Variants in CTDSPL observed in about 807,000 individuals in gnomAD.
CTDSPL encodes the protein CTD small phosphatase like.
In CTDSPL, 8 loss-of-function variants were observed where a neutral mutation model predicts 30.5. That is an observed-to-expected ratio of 0.26 (90% CI 0.15 to 0.47). The LOEUF is 0.47. CTDSPL is among the 20% of genes least tolerant of loss of function. CTDSPL has a pLI of 0.99. For synonymous variants in CTDSPL, 110 were observed against 137.9 expected, an observed-to-expected ratio of 0.80 and a Z score of 1.42; for missense variants, 248 against 366.1, an observed-to-expected ratio of 0.68 and a Z score of 2.63.
Position 37,983,629 on chromosome 3 carries a change from C to T in CTDSPL, c.*2762C>T, listed in dbSNP as rs1220013530. 6.6e-6 allele frequency: 1 copy of T among 152,500 alleles called. No individual in the cohort carries two copies. The highest frequency in any genetic ancestry group is 1.5e-5 in the Non-Finnish European group (1 of 68,212). The allele number at this position is 152,500 out of a possible 1,614,324, so 9.4% of individuals were successfully genotyped here. On this transcript the variant is annotated 3_prime_UTR_variant, in exon 8 of 8. Coordinates refer to ENST00000273179, the MANE Select transcript of CTDSPL (RefSeq NM_001008392.2). Reference sequence around the variant, plus strand: ...GGAGAAGTATTTTTGACATTGAGCTCTGGGACAGGACACCTTGGGTTTGTG... The same window carrying T: ...GGAGAAGTATTTTTGACATTGAGCTTTGGGACAGGACACCTTGGGTTTGTG...
chr3:37,911,025 G>A (rs1355233229), intron 1 of CTDSPL, among the ~76,000 whole-genome samples: 1 of 152,248 alleles, frequency 6.6e-6, no homozygotes, highest in Non-Finnish European at 1.5e-5. Flanking sequence ...ATGTTGTCCT[G>A]TATTTCAGGG....
intron 3 of CTDSPL, 79 bp from the exon 4 acceptor site, chr3:37,964,492 T>C (rs1291971597): frequency 1.1e-6 from 1 of 895,782 alleles, no homozygotes; most frequent in Non-Finnish European, 1.8e-6. Context: ...GGCATTTAAA[T>C]GTTTGAAAGT....
chr3:37,875,528 C>T (rs1279890580), intron 1 of CTDSPL, among the ~76,000 whole-genome samples: 2 of 152,196 alleles, frequency 1.3e-5, no homozygotes, highest in African/African-American at 4.8e-5. Flanking sequence ...ACTGCCTTGT[C>T]AACATGGCTT....
In CTDSPL at chr3:37,964,598, G is replaced by A; in HGVS notation, c.295G>A (p.Val99Met). Reference sequence around the variant, plus strand: ...ACCAGCTAAGTACCTTCTTCCAGAGGTGACGGTGCTTGACTATGGAAAGAA... The same window carrying A: ...ACCAGCTAAGTACCTTCTTCCAGAGATGACGGTGCTTGACTATGGAAAGAA... ...SPPAKYLLPE[V>M]TVLDYGKKCV... Residue 99 changes from valine to methionine, a missense_variant, in exon 4 of 8, where the codon GTG (valine) becomes ATG (methionine). Val to Met is a conservative substitution (Grantham distance 21, BLOSUM62 1). Coordinates refer to ENST00000273179, the MANE Select transcript of CTDSPL (RefSeq NM_001008392.2). 6.2e-7 allele frequency: 1 copy of A among 1,613,854 alleles called. No individual in the cohort carries two copies.
chr3:37,942,711 C>A lies in CTDSPL; in HGVS notation c.80-4346C>A, dbSNP rs1698992222. Among the ~76,000 whole-genome samples, 3 of 150,316 alleles carry A rather than the reference C, an allele frequency of 2.0e-5. No individual in the cohort carries two copies. The Admixed American group carries it at 2.0e-4, about 10-fold the overall frequency. The stretch of plus-strand genomic sequence containing the variant: ...CACTGTTATAAGAACTCATTTAATT[C>A]TCACAACAAACCCTAAGATGGGTAT... On this transcript the variant is annotated intron_variant, in intron 1 of 7. Transcript: ENST00000273179.
intron 5 of CTDSPL, chr3:37,968,167 G>A (rs1327922303): frequency 4.4e-6 from 2 of 457,126 alleles, no homozygotes; most frequent in East Asian, 5.1e-5. Context: ...GGCCTAGCTT[G>A]ATGGTCTAAT....
intron 1 of CTDSPL, among the ~76,000 whole-genome samples, chr3:37,886,492 C>T (rs1342661143): frequency 6.6e-6 from 1 of 152,072 alleles, no homozygotes; most frequent in Non-Finnish European, 1.5e-5. Context: ...TCTGATCACC[C>T]CTTTTAGGAT....
chr3:37,974,467 A>T (rs1699403039), intron 6 of CTDSPL, among the ~76,000 whole-genome samples: 1 of 152,184 alleles, frequency 6.6e-6, no homozygotes, highest in Non-Finnish European at 1.5e-5. Flanking sequence ...GGTCCCGCTG[A>T]TGCCTGGTTG....
intron 1 of CTDSPL, among the ~76,000 whole-genome samples, chr3:37,895,620 C>T (rs1455578540): frequency 1.8e-4 from 27 of 152,308 alleles, no homozygotes; most frequent in Middle Eastern, 3.4e-3. Context: ...TCATTCTCCC[C>T]GCTCTGAAAT....
intron 5 of CTDSPL, among the ~76,000 whole-genome samples, chr3:37,969,208 T>G (rs1167882626): frequency 2.0e-5 from 3 of 152,204 alleles, no homozygotes; most frequent in Admixed American, 2.0e-4. Flanking sequence ...AGGAGAGAAA[T>G]TAATCCTTTG....
At chr3:37,933,067 C>T (rs11129774) in intron 1 of CTDSPL, among the ~76,000 whole-genome samples, 35,811 of 150,826 alleles carry the variant, frequency 0.24, 4,988 homozygotes, top group African/African-American at 0.38. Context: ...GCAGGAGAAT[C>T]GCTTGAACCT....
chr3:37,895,528 A>G (rs1698380928), intron 1 of CTDSPL, among the ~76,000 whole-genome samples: 1 of 152,218 alleles, frequency 6.6e-6, no homozygotes, highest in South Asian at 2.1e-4. Flanking sequence ...GCCATGCAGC[A>G]TGGCACTGGT....
intron 1 of CTDSPL, among the ~76,000 whole-genome samples, chr3:37,946,339 C>G (rs1048447977): frequency 3.9e-5 from 6 of 152,216 alleles, no homozygotes; most frequent in African/African-American, 1.2e-4. Context: ...CAGTATTGCC[C>G]TGGATCTCGT....
rs116703408 is a variant in CTDSPL at position 37,947,070 on chromosome 3, C to T, written c.93C>T (p.Asn31=). The change falls in exon 2 of 8, where the codon AAC becomes AAT. Residue 31 remains asparagine (N), a synonymous_variant. Transcript: ENST00000273179. The part of the protein sequence containing the change: ...PGAGEKASQC[N]VSLKKQRSRS... ...TTCTGTTTCCAGCCTCCCAGTGCAA[C>T]GTCAGCTTAAAGAAGCAGAGGAGCC... The T allele has an allele frequency of 2.1e-5, 34 of 1,613,666 alleles. No homozygotes were observed. Among genetic ancestry groups the T allele is most frequent in the South Asian group, 4.4e-5 (4 of 91,026 alleles).
At chr3:37,964,956 T>C (rs548257917) in intron 4 of CTDSPL, among the ~76,000 whole-genome samples, 46 of 152,334 alleles carry the variant, frequency 3.0e-4, no homozygotes, top group African/African-American at 9.6e-4. Context: ...AGAAATACTT[T>C]TCAGGTGGCA....
At position 37,862,113 on chromosome 3, in the gene CTDSPL, C is replaced by T. The variant is rs1414442332; in HGVS notation, c.-87C>T. ...CAGCGGCTGCGAGCGCCCCCCCGCG[C>T]CGCGCCCCCGCGCCCCCCGCGCCGC... On this transcript the variant is annotated 5_prime_UTR_variant, in exon 1 of 8. Transcript: ENST00000273179. This position sits in a 1 kb window ranked among gnomAD's most constrained non-coding sequence, Gnocchi z 4.3. 1 of 463,016 alleles carries T rather than the reference C, an allele frequency of 2.2e-6. No individual in the cohort carries two copies. The highest frequency in any genetic ancestry group is 2.8e-6 in the Non-Finnish European group (1 of 357,840). 28.7% of individuals were successfully genotyped at this position (463,016 alleles called of 1,614,324 possible). A position where few individuals can be genotyped will look rare whatever the true frequency, so the allele number is the denominator to read the frequency against.
At chr3:37,937,839 T>A (rs1199500588) in intron 1 of CTDSPL, among the ~76,000 whole-genome samples, 2 of 150,366 alleles carry the variant, frequency 1.3e-5, no homozygotes, top group Admixed American at 6.7e-5. Context: ...CAGGTGGACC[T>A]AGGAGTTTAG....
At chr3:37,962,747 C>A (rs1699257307) in intron 3 of CTDSPL, among the ~76,000 whole-genome samples, 1 of 152,146 alleles carries the variant, frequency 6.6e-6, no homozygotes, top group African/African-American at 2.4e-5. Context: ...ACTGGATAGA[C>A]ACTAATGTCA....
At chr3:37,875,104 A>G (rs1016075373) in intron 1 of CTDSPL, among the ~76,000 whole-genome samples, 2 of 152,216 alleles carry the variant, frequency 1.3e-5, no homozygotes, top group African/African-American at 4.8e-5. Flanking sequence ...ACTTGTCTTT[A>G]TGGCTCTGAA....
Sources: allele counts gnomAD v4.1 joint callset (sites outside exome capture counted in the v4.1 genomes callset), GRCh38; gene constraint gnomAD v4.1.1; non-coding constraint Gnocchi (gnomAD v3.1); transcripts MANE v1.5; gene names NCBI Gene and HGNC (gene_info 2026-07-23, HGNC 2026-07-21).